The following SPAG17 variants were observed in gnomAD, a reference collection of about 807,000 sequenced individuals.
The protein encoded by SPAG17 is sperm associated antigen 17.
In SPAG17, 169 loss-of-function variants were observed where a neutral mutation model predicts 273.6. That is an observed-to-expected ratio of 0.62 (90% CI 0.55 to 0.70). The LOEUF (loss-of-function observed/expected upper bound fraction) is 0.70, where lower values mean the gene tolerates loss of function less well. Among genes scored for constraint, SPAG17 ranks in the 30% least tolerant of loss-of-function variants. The pLI is 0.00. For synonymous variants in SPAG17, 825 were observed against 873.2 expected, an observed-to-expected ratio of 0.94 and a Z score of 0.97; for missense variants, 2,557 against 2,627.8, an observed-to-expected ratio of 0.97 and a Z score of 0.59.
intron 10 of SPAG17, among the ~76,000 whole-genome samples, chr1:118,088,249 C>T (rs1201672269): frequency 6.6e-6 from 1 of 152,116 alleles, no homozygotes; most frequent in African/African-American, 2.4e-5. Flanking sequence ...ATTAAGCCTT[C>T]GTTCATTCAA....
At chr1:118,157,099 C>T (rs2246333) in intron 1 of SPAG17, among the ~76,000 whole-genome samples, 150,179 of 152,250 alleles carry the variant, frequency 0.99, 74,105 homozygotes, top group East Asian at 1. Flanking sequence ...AGTAGGAGTA[C>T]TCAAACTAAG....
intron 48 of SPAG17, chr1:117,961,291 A>G (rs1571061586): frequency 6.6e-6 from 1 of 152,182 alleles, no homozygotes; most frequent in Non-Finnish European, 1.5e-5. Flanking sequence ...CTCCAAAATA[A>G]TAATAGTAAA....
At chr1:118,083,546 G>A (rs1255427202) in intron 13 of SPAG17, among the ~76,000 whole-genome samples, 1 of 152,056 alleles carries the variant, frequency 6.6e-6, no homozygotes, top group Non-Finnish European at 1.5e-5. Flanking sequence ...CAGCACTTTG[G>A]GAAACCGAGG....
chr1:117,996,225 A>T (rs1264792917), intron 34 of SPAG17, 145 bp downstream of exon 34: 9 of 880,530 alleles, frequency 1.0e-5, no homozygotes, highest in African/African-American at 1.7e-5. Context: ...ATTCATGTCA[A>T]CTTATTTCTG....
Position 118,085,937 on chromosome 1 carries a change from G to A in SPAG17, c.1747C>T (p.His583Tyr), listed in dbSNP as rs957487737. Residue 583 changes from histidine (H) to tyrosine (Y), a missense_variant, in exon 13 of 49, where the codon CAC (histidine) becomes TAC (tyrosine). Transcript: ENST00000336338. ...ATGGACTCACCACTCGTACAAAAGT[G>A]CATAAGCTCATGAATTGTAGCTAGA... ...KRLATIHELM[H>Y]FCTSDVLSWN... The A allele has an allele frequency of 1.2e-5, 19 of 1,608,062 alleles. No individual in the cohort carries two copies. The highest frequency in any genetic ancestry group is 1.6e-5 in the Non-Finnish European group (19 of 1,178,012).
At chr1:117,992,294 G>A (rs886365868) in intron 36 of SPAG17, among the ~76,000 whole-genome samples, 172 bp downstream of exon 36, 3 of 152,032 alleles carry the variant, frequency 2.0e-5, no homozygotes, top group African/African-American at 7.3e-5. Flanking sequence ...CACCTTATGG[G>A]AACCATTAAA....
chr1:118,085,863 G>A, intron 13 of SPAG17, 59 bp downstream of exon 13: 1 of 1,464,418 alleles, frequency 6.8e-7, no homozygotes, highest in South Asian at 1.4e-5. Flanking sequence ...GTAATTTTAA[G>A]AGGCATATAT....
In SPAG17 at chr1:117,992,530, C is replaced by T. The variant is rs140894596; in HGVS notation, c.5297G>A (p.Arg1766His). Residue 1766 changes from arginine (R) to histidine (H), a missense_variant, in exon 36 of 49, where the codon CGC becomes CAC. Arg to His is a conservative substitution (Grantham distance 29, BLOSUM62 0). Coordinates refer to ENST00000336338, the MANE Select transcript of SPAG17 (RefSeq NM_206996.4). ...ILKSPSVLQM[R>H]QFIQHEVIKN... ...TATGACCTCATGCTGAATGAATTGGCGCATCTGTAGCACACTGGGGCTCTT... is the reference window on the plus strand; with the variant it reads ...TATGACCTCATGCTGAATGAATTGGTGCATCTGTAGCACACTGGGGCTCTT... 8.7e-6 allele frequency: 14 copies of T among 1,613,456 alleles called. No homozygotes were observed. Among genetic ancestry groups the T allele is most frequent in the Non-Finnish European group, 1.2e-5 (14 of 1,179,782 alleles).
Position 118,125,563 on chromosome 1 carries a change from G to A in SPAG17, c.316-10122C>T, listed in dbSNP as rs76795441. Among the ~76,000 whole-genome samples the A allele has an allele frequency of 8.8e-3, 1,338 of 151,810 alleles. 25 individuals carry two copies. The highest frequency in any genetic ancestry group is 0.031 in the African/African-American group (1,272 of 41,382). ...CCCCTTCCCTGACTGTAATAATTGCGACTCCACTCTTTACATCTATAAGCT... is the reference window on the plus strand; with the variant it reads ...CCCCTTCCCTGACTGTAATAATTGCAACTCCACTCTTTACATCTATAAGCT... On this transcript the variant is annotated intron_variant, in intron 3 of 48. Coordinates refer to ENST00000336338, the MANE Select transcript of SPAG17 (RefSeq NM_206996.4).
chr1:118,025,852 G>A (rs1647684941), intron 26 of SPAG17, among the ~76,000 whole-genome samples: 1 of 152,092 alleles, frequency 6.6e-6, no homozygotes, highest in South Asian at 2.1e-4. Flanking sequence ...TATGACAGAT[G>A]GTCTAGAATA....
At chr1:118,090,823 T>C (rs549360954) in intron 10 of SPAG17, among the ~76,000 whole-genome samples, 1 of 152,160 alleles carries the variant, frequency 6.6e-6, no homozygotes, top group African/African-American at 2.4e-5. Flanking sequence ...GAGTTTGAGA[T>C]TGTGAACTAT....
chr1:117,986,891 G>C (rs1306153882), intron 40 of SPAG17, among the ~76,000 whole-genome samples: 1 of 152,050 alleles, frequency 6.6e-6, no homozygotes, highest in Non-Finnish European at 1.5e-5. Context: ...AGGATTTTCT[G>C]ACCTTCCCCT....
At chr1:118,032,282 T>A (rs2101887836) in intron 24 of SPAG17, among the ~76,000 whole-genome samples, 1 of 152,132 alleles carries the variant, frequency 6.6e-6, no homozygotes, top group African/African-American at 2.4e-5. Context: ...CTAAATAAGA[T>A]CTGTGTAAAT....
At chr1:118,006,688 T>G (rs1658922895) in intron 31 of SPAG17, among the ~76,000 whole-genome samples, 1 of 152,224 alleles carries the variant, frequency 6.6e-6, no homozygotes, top group Non-Finnish European at 1.5e-5. Context: ...CTATACCATT[T>G]TCCAAGTGAC....
At chr1:118,011,848 C>A (rs1571233676) in intron 30 of SPAG17, among the ~76,000 whole-genome samples, 1 of 151,990 alleles carries the variant, frequency 6.6e-6, no homozygotes, top group East Asian at 1.9e-4. Context: ...AGAAAGTAGA[C>A]AGATTTTAAG....
chr1:118,176,316 C>T (rs1020679811), intron 1 of SPAG17, among the ~76,000 whole-genome samples: 1 of 152,084 alleles, frequency 6.6e-6, no homozygotes, highest in Non-Finnish European at 1.5e-5. Context: ...CTCTATGCTG[C>T]CTACAGGAAA....
intron 43 of SPAG17, among the ~76,000 whole-genome samples, chr1:117,980,242 CT>C (rs1557861564): frequency 6.6e-6 from 1 of 151,762 alleles, no homozygotes; most frequent in Admixed American, 6.6e-5. Context: ...CTTTTCTTTT[CT>C]TTTTTTGGGA....
At chr1:118,150,483 A>T in intron 3 of SPAG17, 60 bp downstream of exon 3, 3 of 908,024 alleles carry the variant, frequency 3.3e-6, no homozygotes, top group Non-Finnish European at 5.0e-6. Flanking sequence ...CTATCAAATT[A>T]TTACTTCAAT....
intron 48 of SPAG17, chr1:117,961,838 C>T (rs1473081187): frequency 6.6e-6 from 1 of 152,404 alleles, no homozygotes; most frequent in Non-Finnish European, 1.5e-5. Context: ...ATAATGCATT[C>T]TAGGTGCTTT....
Sources: allele counts gnomAD v4.1 joint callset (sites outside exome capture counted in the v4.1 genomes callset), GRCh38; gene constraint gnomAD v4.1.1; transcripts MANE v1.5; gene names NCBI Gene and HGNC (gene_info 2026-07-23, HGNC 2026-07-21).